Variants in HVCN1 observed in about 807,000 individuals in gnomAD.
HVCN1 encodes the protein voltage-gated hydrogen channel 1.
HVCN1 carries 14 observed loss-of-function variants against 29.2 expected under a neutral mutation model. The observed-to-expected ratio is 0.48, with a 90% confidence interval of 0.32 to 0.75. HVCN1 has a LOEUF of 0.75. Ranked by LOEUF, HVCN1 falls within the 30% of genes least tolerant of loss-of-function variation. HVCN1 has a pLI of 0.04. For missense variants in HVCN1, 263 were observed against 341.8 expected (o/e 0.77, Z 1.82); for synonymous variants, 131 against 133.2 (o/e 0.98, Z 0.11).
intron 3 of HVCN1, among the ~76,000 whole-genome samples, chr12:110,668,996 ACT>A (rs2068474309): frequency 1.4e-5 from 2 of 141,946 alleles, no homozygotes; most frequent in African/African-American, 5.4e-5. Flanking sequence ...TGGGCCGGTG[ACT>A]CTCTCTTTGG....
intron 2 of HVCN1, among the ~76,000 whole-genome samples, chr12:110,698,332 A>G (rs1227097556): frequency 6.6e-6 from 1 of 152,218 alleles, no homozygotes; most frequent in Non-Finnish European, 1.5e-5. Flanking sequence ...GAGACTTAAC[A>G]TTGGGAAGAT....
chr12:110,681,191 A>G (rs2068956443), intron 3 of HVCN1, among the ~76,000 whole-genome samples: 1 of 152,248 alleles, frequency 6.6e-6, no homozygotes, highest in African/African-American at 2.4e-5. Context: ...TTTTTATCAC[A>G]GTAAATGGCA....
intron 3 of HVCN1, among the ~76,000 whole-genome samples, chr12:110,665,624 T>C (rs2068320437): frequency 1.3e-5 from 2 of 150,616 alleles, no homozygotes; most frequent in Non-Finnish European, 3.0e-5. Context: ...TGAAAACAGA[T>C]ATTACAAATA....
intron 1 of HVCN1, among the ~76,000 whole-genome samples, chr12:110,703,606 G>A (rs1204721972): frequency 6.8e-6 from 1 of 146,274 alleles, no homozygotes; most frequent in Non-Finnish European, 1.5e-5. Flanking sequence ...TTCTACTTGT[G>A]TATATATTTG....
At chr12:110,685,732 C>G (rs1042545044) in intron 2 of HVCN1, among the ~76,000 whole-genome samples, 2 of 152,072 alleles carry the variant, frequency 1.3e-5, no homozygotes, top group African/African-American at 4.8e-5. Flanking sequence ...CTCTGTCACC[C>G]TGGCTAGAAT....
At chr12:110,679,620 G>A (rs978165551) in intron 3 of HVCN1, among the ~76,000 whole-genome samples, 1 of 152,144 alleles carries the variant, frequency 6.6e-6, no homozygotes, top group Non-Finnish European at 1.5e-5. Flanking sequence ...TTGGGAGGCC[G>A]AGGCGGGTGG....
chr12:110,700,031 G>A (rs1407931803), intron 2 of HVCN1, among the ~76,000 whole-genome samples: 3 of 152,172 alleles, frequency 2.0e-5, no homozygotes, highest in Non-Finnish European at 4.4e-5. Flanking sequence ...GAACAAGATT[G>A]GGACCATAGA....
chr12:110,650,234 C>T lies in HVCN1; in HGVS notation c.690G>A (p.Arg230=). Residue 230 remains arginine, a synonymous_variant, in exon 7 of 8, where the codon AGG becomes AGA. Transcript: ENST00000242607. The stretch of plus-strand genomic sequence containing the variant: ...CCAATTGTACATTCATCTGTTTTAA[C>T]CTTAAGAGTTGCCGTTCTGAACGTG... ...VKTRSERQLL[R]LKQMNVQLAA... is the part of the protein sequence containing the mutation. 6.2e-7 allele frequency: 1 copy of T among 1,613,534 alleles called. No individual in the cohort carries two copies. Among genetic ancestry groups the T allele is most frequent in the Non-Finnish European group, 8.5e-7 (1 of 1,179,548 alleles).
At chr12:110,650,366 G>T in intron 6 of HVCN1, 86 bp from the exon 7 acceptor site, 1 of 773,264 alleles carries the variant, frequency 1.3e-6, no homozygotes, top group Non-Finnish European at 2.2e-6. Flanking sequence ...CCTGTATAGA[G>T]TTTGGAGGAG....
chr12:110,692,634 G>T (rs1330112972), upstream of HVCN1, among the ~76,000 whole-genome samples: 2 of 152,140 alleles, frequency 1.3e-5, no homozygotes, highest in African/African-American at 4.8e-5. Flanking sequence ...TGAGGTGGGA[G>T]AATCCCTTGA....
In HVCN1 at chr12:110,649,125, T is replaced by A. The variant is rs1379598378; in HGVS notation, c.*285A>T. On this transcript the variant is annotated 3_prime_UTR_variant, in exon 8 of 8. Transcript: ENST00000242607. The stretch of plus-strand genomic sequence containing the variant: ...GGTGAGATTAAATTTTATATACAAC[T>A]AGCAATTGTCCAGCTTTGTTGCTCA... 6 of 664,398 alleles carry A rather than the reference T, an allele frequency of 9.0e-6. No individual in the cohort carries two copies. The highest frequency in any genetic ancestry group is 2.4e-4 in the Middle Eastern group (1 of 4,152). The allele number at this position is 664,398 out of a possible 1,614,324, so 41.2% of individuals were successfully genotyped here.
In HVCN1 at chr12:110,650,192, G is replaced by C; in HGVS notation, c.732C>G (p.His244Gln). ...CCTTCTCAGAGCAGCTGAACTCAAG[G>C]TGTTGAATCTTGGCGGCCAATTGTA... is the stretch of plus-strand genomic sequence containing the variant. ...MNVQLAAKIQ[H>Q]LEFSCSEKEQ... The change falls in exon 7 of 8, where the codon CAC becomes CAG. Residue 244 changes from histidine to glutamine, a missense_variant. Coordinates refer to ENST00000242607, the MANE Select transcript of HVCN1 (RefSeq NM_032369.4). 2.5e-6 allele frequency: 4 copies of C among 1,612,178 alleles called. No individual in the cohort carries two copies. Among genetic ancestry groups the C allele is most frequent in the Non-Finnish European group, 3.4e-6 (4 of 1,178,306 alleles).
intron 2 of HVCN1, among the ~76,000 whole-genome samples, chr12:110,700,106 C>T (rs1337047672): frequency 6.6e-6 from 1 of 152,206 alleles, no homozygotes; most frequent in East Asian, 1.9e-4. Flanking sequence ...GCTCCCAGCC[C>T]GTGGGCAGCA....
chr12:110,675,078 G>A lies in HVCN1; in HGVS notation c.21+8147C>T, dbSNP rs561917190. Reference sequence around the variant, plus strand: ...TTGTAGATAAAAACTAGAAGAAATTGATAATTTCATATGATTCAACCTAAT... The same window carrying A: ...TTGTAGATAAAAACTAGAAGAAATTAATAATTTCATATGATTCAACCTAAT... On this transcript the variant is annotated intron_variant, in intron 3 of 7. Coordinates refer to ENST00000242607, the MANE Select transcript of HVCN1 (RefSeq NM_032369.4). Among the ~76,000 whole-genome samples, 107 of 152,346 alleles carry A rather than the reference G, an allele frequency of 7.0e-4. 2 individuals carry two copies. In the South Asian group the frequency reaches 0.022, roughly 31 times the overall value.
chr12:110,657,635 T>C (rs2068034770), intron 4 of HVCN1, among the ~76,000 whole-genome samples: 1 of 151,884 alleles, frequency 6.6e-6, no homozygotes, highest in African/African-American at 2.4e-5. Flanking sequence ...CTCACCTCAA[T>C]TTAAAAAAGA....
chr12:110,702,131 C>CT (rs2069570678), intron 2 of HVCN1, among the ~76,000 whole-genome samples: 1 of 151,746 alleles, frequency 6.6e-6, no homozygotes, highest in African/African-American at 2.4e-5. Context: ...CACATATATG[C>CT]TTGTAAATAC....
intron 4 of HVCN1, among the ~76,000 whole-genome samples, chr12:110,655,994 C>T (rs1258948478): frequency 2.0e-5 from 3 of 152,286 alleles, no homozygotes; most frequent in Admixed American, 6.5e-5. Context: ...CATAAGCCAC[C>T]GTGCCCAGGC....
intron 3 of HVCN1, among the ~76,000 whole-genome samples, chr12:110,664,256 C>T (rs2068271452): frequency 1.3e-5 from 2 of 151,980 alleles, no homozygotes; most frequent in Admixed American, 1.3e-4. Context: ...ATACCCAGCA[C>T]CTAGAAAAAT....
chr12:110,670,435 A>G (rs764286119), intron 3 of HVCN1, among the ~76,000 whole-genome samples: 1 of 152,234 alleles, frequency 6.6e-6, no homozygotes, highest in South Asian at 2.1e-4. Context: ...ACTCTAAGAC[A>G]CAATGGCAGC....
Sources: gnomAD v4.1 joint callset for allele counts (sites outside exome capture counted in the v4.1 genomes callset) on GRCh38, gnomAD v4.1.1 for gene constraint, MANE v1.5 for transcripts, NCBI Gene and HGNC (gene_info 2026-07-23, HGNC 2026-07-21) for gene names.